Variants in ALS2 observed in about 807,000 individuals in gnomAD.
The protein encoded by ALS2 is alsin Rho guanine nucleotide exchange factor ALS2.
A neutral mutation model predicts 203.4 loss-of-function variants in ALS2; 117 were observed. That is an observed-to-expected ratio of 0.58 (90% CI 0.50 to 0.67). The LOEUF is 0.67. ALS2 is among the 30% of genes least tolerant of loss of function. The pLI, the probability that ALS2 is intolerant of heterozygous loss-of-function variation, is 0.00. For missense variants in ALS2, 1,715 were observed against 1,989.4 expected (o/e 0.86, Z 2.62); for synonymous variants, 718 against 725.9 (o/e 0.99, Z 0.17).
chr2:201,748,820 T>G (rs1319218689), intron 8 of ALS2, among the ~76,000 whole-genome samples: 2 of 152,262 alleles, frequency 1.3e-5, no homozygotes, highest in Non-Finnish European at 2.9e-5. Flanking sequence ...TGTAAAAATC[T>G]TAAATAGTGA....
At position 201,715,637 on chromosome 2, in the gene ALS2, A is replaced by T. The variant is rs376141545; in HGVS notation, c.4004+35T>A. ...TGGTCTTAAGTTTCATCTTCCTAAC[A>T]TGCTCTGCTGTATGTTGAGCAGGTG... On this transcript the variant is annotated intron_variant, in intron 25 of 33. Coordinates refer to ENST00000264276, the MANE Select transcript of ALS2 (RefSeq NM_020919.4). 13 of 1,611,462 alleles carry T rather than the reference A, an allele frequency of 8.1e-6. No homozygotes were observed. The African/African-American group carries it at 1.6e-4, about 20-fold the overall frequency.
intron 13 of ALS2, among the ~76,000 whole-genome samples, chr2:201,732,443 C>T (rs940129782): frequency 6.6e-6 from 1 of 151,568 alleles, no homozygotes; most frequent in Non-Finnish European, 1.5e-5. Context: ...TGGTACACAC[C>T]TGTAATCTCA....
At chr2:201,780,764 G>A in intron 1 of ALS2, 113 bp downstream of exon 1, 1 of 153,096 alleles carries the variant, frequency 6.5e-6, no homozygotes, top group Admixed American at 6.5e-5. Flanking sequence ...GCGCTCTCCG[G>A]CCTCGACCAC....
chr2:201,747,293 C>A (rs977305386), intron 8 of ALS2, among the ~76,000 whole-genome samples: 6 of 152,068 alleles, frequency 3.9e-5, no homozygotes, highest in Non-Finnish European at 5.9e-5. Context: ...TTAAAACAGG[C>A]AGAGCCCCTG....
At position 201,707,915 on chromosome 2, in the gene ALS2, A is replaced by G; in HGVS notation, c.4357T>C (p.Phe1453Leu). Reference sequence around the variant, plus strand: ...CGGGAATCTGACTTCCCAGTGCAAAAAGACTTCCTTTCGGTTGGCAGAGGA... The same window carrying G: ...CGGGAATCTGACTTCCCAGTGCAAAGAGACTTCCTTTCGGTTGGCAGAGGA... ...SAPLPTERKS[F>L]CTGKSDSRSE... Residue 1453 changes from phenylalanine (F) to leucine (L), a missense_variant, in exon 28 of 34, where the codon TTT becomes CTT. Physicochemically the swap from Phe to Leu is conservative, Grantham distance 22 (BLOSUM62 0). Around this residue, in one of 3 missense-constraint regions of ALS2, gnomAD observed 1,227 missense variants for 1,413.5 expected, o/e 0.87. Transcript: ENST00000264276. The G allele has an allele frequency of 6.2e-7, 1 of 1,613,662 alleles. No homozygotes were observed. Among genetic ancestry groups the G allele is most frequent in the East Asian group, 2.2e-5 (1 of 44,858 alleles).
chr2:201,706,705 A>G, intron 29 of ALS2, 141 bp downstream of exon 29: 1 of 757,192 alleles, frequency 1.3e-6, no homozygotes, highest in Non-Finnish European at 2.2e-6. Flanking sequence ...ATTAACTATC[A>G]CTATTTTGTT....
chr2:201,743,051 A>G (rs1327817163), intron 10 of ALS2, among the ~76,000 whole-genome samples: 1 of 147,180 alleles, frequency 6.8e-6, no homozygotes, highest in Non-Finnish European at 1.5e-5. Context: ...AGCCTGGGTG[A>G]CAGAGCAAGA....
chr2:201,761,041 A>G lies in ALS2; in HGVS notation c.953T>C (p.Met318Thr), dbSNP rs746029858. 1.2e-6 allele frequency: 2 copies of G among 1,614,188 alleles called. No individual in the cohort carries two copies. Among genetic ancestry groups the G allele is most frequent in the Admixed American group, 3.3e-5 (2 of 60,016 alleles). ...VSAQITSSDA[M>T]SSQQNVMGTT... ...TCCCATGACATTTTGTTGAGAGGAC[A>G]TGGCATCGCTGCTTGTGATCTGAGC... The change falls in exon 4 of 34, where the codon ATG (methionine) becomes ACG (threonine). Residue 318 changes from methionine (M) to threonine (T), a missense_variant. Around this residue, in one of 3 missense-constraint regions of ALS2, gnomAD observed 476 missense variants for 539.3 expected, o/e 0.88. Coordinates refer to ENST00000264276, the MANE Select transcript of ALS2 (RefSeq NM_020919.4).
chr2:201,705,341 G>T (rs543194445), intron 30 of ALS2, 75 bp downstream of exon 30: 411 of 1,540,352 alleles, frequency 2.7e-4, no homozygotes, highest in Non-Finnish European at 3.6e-4. Context: ...AAAGTAAAAT[G>T]AAAAAGTTTT....
At chr2:201,736,393 C>A (rs570781281) in intron 12 of ALS2, among the ~76,000 whole-genome samples, 4 of 151,984 alleles carry the variant, frequency 2.6e-5, no homozygotes, top group Admixed American at 6.6e-5. Flanking sequence ...AAAATACTTT[C>A]GAAAATATTT....
intron 27 of ALS2, among the ~76,000 whole-genome samples, chr2:201,709,467 T>C (rs1010206728): frequency 2.0e-5 from 3 of 152,186 alleles, no homozygotes; most frequent in Non-Finnish European, 4.4e-5. Context: ...AAATATTTGT[T>C]AAATAAATGA....
intron 21 of ALS2, among the ~76,000 whole-genome samples, chr2:201,723,851 T>C (rs1020253543): frequency 6.6e-6 from 1 of 152,240 alleles, no homozygotes; most frequent in Non-Finnish European, 1.5e-5. Context: ...ATTCGGTGGC[T>C]CATGCCTATA....
rs202219507 is a variant in ALS2 at position 201,733,377 on chromosome 2, T to A, written c.2479A>T (p.Thr827Ser). 3.9e-4 allele frequency: 635 copies of A among 1,613,640 alleles called. 2 individuals carry two copies. Among genetic ancestry groups the A allele is most frequent in the Non-Finnish European group, 4.6e-4 (537 of 1,179,830 alleles). Residue 827 changes from threonine to serine, a missense_variant, in exon 13 of 34, where the codon ACT becomes TCT. Thr to Ser is a moderately conservative substitution (Grantham distance 58). Transcript: ENST00000264276. ...QDLSEVNDENTQLMEILNTLF... is the reference protein window; with the variant it reads ...QDLSEVNDENSQLMEILNTLF... ...GTATTCAGTATTTCCATCAACTGAG[T>A]GTTTTCGTCATTCACTTCTGACAAA...
Position 201,767,312 on chromosome 2 carries a change from G to A in ALS2, c.92C>T (p.Thr31Ile). 2 of 1,614,090 alleles carry A rather than the reference G, an allele frequency of 1.2e-6. No homozygotes were observed. The highest frequency in any genetic ancestry group is 1.7e-6 in the Non-Finnish European group (2 of 1,180,018). Reference sequence around the variant, plus strand: ...TCCCCAGCCTGGCAATCTCTCTGGTGTTATGGGAAAGGATCCTGCCTGCCA... The same window carrying A: ...TCCCCAGCCTGGCAATCTCTCTGGTATTATGGGAAAGGATCCTGCCTGCCA... ...HIWQAGSFPI[T>I]PERLPGWGGK... Residue 31 changes from threonine to isoleucine, a missense_variant, in exon 3 of 34, where the codon ACA becomes ATA. By Grantham distance (89) the Thr-to-Ile change is moderately conservative (BLOSUM62 -1). Around this residue, in one of 3 missense-constraint regions of ALS2, gnomAD observed 476 missense variants for 539.3 expected, o/e 0.88. Transcript: ENST00000264276.
intron 18 of ALS2, 46 bp from the exon 19 acceptor site, chr2:201,726,595 G>T: frequency 6.2e-7 from 1 of 1,609,166 alleles, no homozygotes; most frequent in Non-Finnish European, 8.5e-7. Context: ...TAATATTTCA[G>T]ATAATTAATA....
intron 1 of ALS2, among the ~76,000 whole-genome samples, chr2:201,770,830 A>C (rs1248394895): frequency 6.6e-6 from 1 of 152,108 alleles, no homozygotes; most frequent in Non-Finnish European, 1.5e-5. Flanking sequence ...CAAGGAAAAG[A>C]ATTCTTTCCT....
At position 201,757,507 on chromosome 2, in the gene ALS2, G is replaced by A; in HGVS notation, c.1366C>T (p.Gln456Ter). ...LKDSREEQVK[Q>*]ESMQGKKSSS... Reference sequence around the variant, plus strand: ...CTTTTCTTTCCTTGCATTGATTCCTGTTTAACCTGTTCTTCCCTGCTATCT... The same window carrying A: ...CTTTTCTTTCCTTGCATTGATTCCTATTTAACCTGTTCTTCCCTGCTATCT... The change falls in exon 5 of 34, where the codon CAG becomes TAG. Residue 456 changes from glutamine (Q) to a stop codon, truncating the protein, a stop_gained. Coordinates refer to ENST00000264276, the MANE Select transcript of ALS2 (RefSeq NM_020919.4). LOFTEE classifies it high-confidence loss of function. 1.2e-6 allele frequency: 2 copies of A among 1,613,968 alleles called. No homozygotes were observed. The highest frequency in any genetic ancestry group is 1.7e-6 in the Non-Finnish European group (2 of 1,179,936).
chr2:201,705,323 G>A (rs952114018), intron 30 of ALS2, 93 bp downstream of exon 30: 1 of 1,475,712 alleles, frequency 6.8e-7, no homozygotes, highest in South Asian at 1.1e-5. Context: ...CTTGGGTACT[G>A]TTCTATCAAA....
chr2:201,750,357 G>A (rs1335005183), intron 7 of ALS2, among the ~76,000 whole-genome samples: 1 of 152,110 alleles, frequency 6.6e-6, no homozygotes, highest in East Asian at 1.9e-4. Flanking sequence ...AACCCAGAGA[G>A]GTTAATTTAC....
Sources: allele counts gnomAD v4.1 joint callset (sites outside exome capture counted in the v4.1 genomes callset), GRCh38; gene constraint gnomAD v4.1.1; regional missense constraint gnomAD v4.1.1; transcripts MANE v1.5; gene names NCBI Gene and HGNC (gene_info 2026-07-23, HGNC 2026-07-21).